EXD1: variants seen among roughly 807,000 people sequenced by gnomAD.
The protein encoded by EXD1 is exonuclease 3'-5' domain containing 1.
A neutral mutation model predicts 49.1 loss-of-function variants in EXD1; 63 were observed. That is an observed-to-expected ratio of 1.28 (90% CI 1.05 to 1.58). The LOEUF (loss-of-function observed/expected upper bound fraction) is 1.58. EXD1 is among the 40% of genes most tolerant of loss of function. The pLI, the probability that EXD1 is intolerant of heterozygous loss-of-function variation, is 0.00. For missense variants in EXD1, 748 were observed against 666.0 expected, an observed-to-expected ratio of 1.12 and a Z score of -1.36; for synonymous variants, 234 against 239.2, an observed-to-expected ratio of 0.98 and a Z score of 0.20.
At chr15:41,229,460 C>T (rs1029070209) in intron 1 of EXD1, among the ~76,000 whole-genome samples, 1 of 151,672 alleles carries the variant, frequency 6.6e-6, no homozygotes, top group Non-Finnish European at 1.5e-5. Context: ...CACTCCAGCC[C>T]GGACTCTGTC....
At position 41,195,774 on chromosome 15, in the gene EXD1, C is replaced by T. The variant is rs1414371861; in HGVS notation, c.720+1G>A. Reference sequence around the variant, plus strand: ...TGAATCCAGTGCTTCCCTTCATGTACCTGTGTGTCAAAGACATTATTCAGC... The same window carrying T: ...TGAATCCAGTGCTTCCCTTCATGTATCTGTGTGTCAAAGACATTATTCAGC... On this transcript the variant is annotated splice_donor_variant, in intron 9 of 11. Coordinates refer to ENST00000458580, the MANE Select transcript of EXD1 (RefSeq NM_001286441.2). LOFTEE classifies it high-confidence loss of function. The T allele has an allele frequency of 1.2e-6, 2 of 1,610,932 alleles. No individual in the cohort carries two copies. The highest frequency in any genetic ancestry group is 1.7e-6 in the Non-Finnish European group (2 of 1,178,860).
chr15:41,216,019 A>G (rs2046994631), intron 5 of EXD1, among the ~76,000 whole-genome samples, 186 bp from the exon 6 acceptor site: 1 of 152,032 alleles, frequency 6.6e-6, no homozygotes, highest in Non-Finnish European at 1.5e-5. Flanking sequence ...TGGCACTATT[A>G]CAGTATATAT....
At chr15:41,226,000 C>T (rs989808194) in intron 2 of EXD1, among the ~76,000 whole-genome samples, 4 of 152,286 alleles carry the variant, frequency 2.6e-5, no homozygotes, top group African/African-American at 7.2e-5. Flanking sequence ...CACCTGTAAT[C>T]GCAGAACTTT....
At chr15:41,190,156 A>G in intron 10 of EXD1, 28 bp from the exon 11 acceptor site, 1 of 1,610,562 alleles carries the variant, frequency 6.2e-7, no homozygotes, top group South Asian at 1.1e-5. Flanking sequence ...ATTTCCTCTG[A>G]ACAGTAAGCA....
At chr15:41,229,463 A>T (rs953671472) in intron 1 of EXD1, among the ~76,000 whole-genome samples, 7 of 150,886 alleles carry the variant, frequency 4.6e-5, no homozygotes, top group Non-Finnish European at 7.4e-5. Context: ...TCCAGCCCGG[A>T]CTCTGTCGCA....
intron 3 of EXD1, among the ~76,000 whole-genome samples, chr15:41,217,814 G>A (rs149487869): frequency 6.6e-6 from 1 of 152,190 alleles, no homozygotes; most frequent in East Asian, 1.9e-4. Context: ...GATTACAGGC[G>A]TGAGCCACCA....
At chr15:41,201,033 C>T (rs1385522808) in intron 7 of EXD1, among the ~76,000 whole-genome samples, 1 of 151,722 alleles carries the variant, frequency 6.6e-6, no homozygotes, top group Non-Finnish European at 1.5e-5. Flanking sequence ...GCCACCACAC[C>T]CGGCTAATTT....
chr15:41,199,747 T>TGTGACATATAATATATCATATATGTGA (rs558589077), intron 7 of EXD1, among the ~76,000 whole-genome samples: 2 of 99,758 alleles, frequency 2.0e-5, no homozygotes, highest in Non-Finnish European at 3.8e-5. Context: ...ATGTCATATA[T>TGTGACATATAATATATCATATATGTGA]TATATATGAT....
intron 10 of EXD1, among the ~76,000 whole-genome samples, chr15:41,190,731 T>A (rs2046500732): frequency 6.6e-6 from 1 of 152,102 alleles, no homozygotes; most frequent in Non-Finnish European, 1.5e-5. Context: ...TTGCAGCCAA[T>A]ACAATTATGA....
intron 4 of EXD1, 79 bp from the exon 5 acceptor site, chr15:41,216,874 C>T (rs886173840): frequency 6.3e-7 from 1 of 1,577,178 alleles, no homozygotes; most frequent in South Asian, 1.2e-5. Flanking sequence ...CACACATTAA[C>T]GTTAAGGACA....
Position 41,191,605 on chromosome 15 carries a change from C to A in EXD1, c.721-20G>T, listed in dbSNP as rs1472134073. 1.2e-6 allele frequency: 2 copies of A among 1,611,706 alleles called. No individual in the cohort carries two copies. Among genetic ancestry groups the A allele is most frequent in the Non-Finnish European group, 1.7e-6 (2 of 1,178,590 alleles). ...TGCTACCTGTGGTATTTTAAAAAGA[C>A]AAACAGACCAGTTGAATATATACAG... On this transcript the variant is annotated intron_variant, in intron 9 of 11. Coordinates refer to ENST00000458580, the MANE Select transcript of EXD1 (RefSeq NM_001286441.2).
intron 7 of EXD1, among the ~76,000 whole-genome samples, chr15:41,196,728 GC>G (rs1273568236): frequency 3.3e-5 from 5 of 151,006 alleles, no homozygotes; most frequent in Non-Finnish European, 5.9e-5. Flanking sequence ...ACTGCACCTG[GC>G]CAATTTTTTT....
In EXD1 at chr15:41,183,883, C is replaced by A; in HGVS notation, c.*48G>T. The A allele has an allele frequency of 6.6e-7, 1 of 1,518,126 alleles. No individual in the cohort carries two copies. The highest frequency in any genetic ancestry group is 2.2e-5 in the Admixed American group (1 of 44,582). The allele number at this position is 1,518,126 out of a possible 1,614,324, so 94.0% of individuals were successfully genotyped here. A position where few individuals can be genotyped will look rare whatever the true frequency, so the allele number is the denominator to read the frequency against. ...TGGGCACTGTGGAAAGCCCTGATGGCAAAGGAAATAAGCCATCTGTATGGC... is the reference window on the plus strand; with the variant it reads ...TGGGCACTGTGGAAAGCCCTGATGGAAAAGGAAATAAGCCATCTGTATGGC... On this transcript the variant is annotated 3_prime_UTR_variant, in exon 12 of 12. Coordinates refer to ENST00000458580, the MANE Select transcript of EXD1 (RefSeq NM_001286441.2).
At chr15:41,201,470 A>G (rs1299638824) in intron 7 of EXD1, among the ~76,000 whole-genome samples, 1 of 149,108 alleles carries the variant, frequency 6.7e-6, no homozygotes, top group Non-Finnish European at 1.5e-5. Flanking sequence ...ATTTTATATA[A>G]TTTAAGAATT....
intron 7 of EXD1, among the ~76,000 whole-genome samples, chr15:41,204,297 T>C (rs2046787859): frequency 6.8e-6 from 1 of 147,476 alleles, no homozygotes; most frequent in African/African-American, 2.5e-5. Context: ...ACGCCTGTAA[T>C]CCCAGCACTT....
rs112105050 is a variant in EXD1 at position 41,215,972 on chromosome 15, G to C, written c.389-139C>G. On this transcript the variant is annotated intron_variant, in intron 5 of 11. Transcript: ENST00000458580. ...AAAATTGCAAAACCACCCTCCCTACGTACTACTTCTCTTCCTTTTTTTTCC... is the reference window on the plus strand; with the variant it reads ...AAAATTGCAAAACCACCCTCCCTACCTACTACTTCTCTTCCTTTTTTTTCC... 8.1e-3 allele frequency: 5,691 copies of C among 704,486 alleles called. 252 individuals carry two copies. The African/African-American group carries it at 0.09, about 11-fold the overall frequency. 43.6% of individuals were successfully genotyped at this position (704,486 alleles called of 1,614,324 possible).
chr15:41,223,677 T>C (rs1181105317), intron 2 of EXD1, among the ~76,000 whole-genome samples: 2 of 151,414 alleles, frequency 1.3e-5, no homozygotes, highest in Non-Finnish European at 2.9e-5. Context: ...CTGGCCAACA[T>C]AGTGAAACCA....
intron 9 of EXD1, 49 bp from the exon 10 acceptor site, chr15:41,191,634 G>A (rs747074437): frequency 6.6e-7 from 1 of 1,512,044 alleles, no homozygotes; most frequent in Non-Finnish European, 9.1e-7. Context: ...TATACAGAGA[G>A]CTATCTCATG....
At chr15:41,225,582 T>C (rs2047149960) in intron 2 of EXD1, among the ~76,000 whole-genome samples, 2 of 103,756 alleles carry the variant, frequency 1.9e-5, no homozygotes, top group Admixed American at 9.9e-5. Flanking sequence ...CGAGACTCAT[T>C]CTCAGAAAAA....
Sources: allele counts gnomAD v4.1 joint callset (sites outside exome capture counted in the v4.1 genomes callset), GRCh38; gene constraint gnomAD v4.1.1; transcripts MANE v1.5; gene names NCBI Gene and HGNC (gene_info 2026-07-23, HGNC 2026-07-21).